The following VAT1L variants were observed in gnomAD, a reference collection of about 807,000 sequenced individuals.
VAT1L encodes the protein vesicle amine transport 1 like.
In VAT1L, 34 loss-of-function variants were observed where a neutral mutation model predicts 44.1. The ratio of observed to expected loss-of-function variants is 0.77; its 90% confidence interval spans 0.59 to 1.03. The LOEUF is 1.03. VAT1L is among the 50% of genes least tolerant of loss of function. VAT1L has a pLI of 0.00. For synonymous variants in VAT1L, 253 were observed against 202.2 expected (o/e 1.25, Z -2.13); for missense variants, 615 against 538.8 (o/e 1.14, Z -1.40).
chr16:77,973,434 A>G (rs1396531492), intron 8 of VAT1L, among the ~76,000 whole-genome samples: 1 of 151,848 alleles, frequency 6.6e-6, no homozygotes, highest in East Asian at 2.0e-4. Flanking sequence ...ACAGGGGCCC[A>G]CCACCACACC....
chr16:77,811,952 G>A (rs74029418), intron 1 of VAT1L, among the ~76,000 whole-genome samples: 182 of 152,258 alleles, frequency 1.2e-3, no homozygotes, highest in African/African-American at 4.2e-3. Context: ...ACAAACAGAC[G>A]ATGAGAGCTG....
chr16:77,936,923 C>T (rs556924326), intron 7 of VAT1L, among the ~76,000 whole-genome samples: 1 of 152,170 alleles, frequency 6.6e-6, no homozygotes, highest in East Asian at 1.9e-4. Context: ...TCTCGCTCTG[C>T]CACCAGGCTG....
rs1487352379 is a variant in VAT1L, at chr16:77,817,654, C to T, written c.363+604C>T. On this transcript the variant is annotated intron_variant, in intron 2 of 8. Coordinates refer to ENST00000302536, the MANE Select transcript of VAT1L (RefSeq NM_020927.3). ...GGGAAATGGGCAAAAAGGTTTATTACATTATGCTGACTACTTCTGTACATG... is the reference window on the plus strand; with the variant it reads ...GGGAAATGGGCAAAAAGGTTTATTATATTATGCTGACTACTTCTGTACATG... 2.0e-5 allele frequency among the ~76,000 whole-genome samples: 3 copies of T among 152,298 alleles called. No individual in the cohort carries two copies. The East Asian group carries it at 5.8e-4, about 29-fold the overall frequency.
chr16:77,938,493 AT>A (rs1484445938), intron 7 of VAT1L, among the ~76,000 whole-genome samples: 3 of 152,178 alleles, frequency 2.0e-5, no homozygotes, highest in African/African-American at 7.2e-5. Flanking sequence ...TGACTGGATC[AT>A]GGGGATTAGC....
At chr16:77,857,039 G>A (rs964988681) in intron 3 of VAT1L, among the ~76,000 whole-genome samples, 2 of 152,140 alleles carry the variant, frequency 1.3e-5, no homozygotes, top group Non-Finnish European at 2.9e-5. Flanking sequence ...CCCCATGGTG[G>A]GACAAAAGAA....
At chr16:77,965,417 C>A (rs2018212740) in intron 7 of VAT1L, among the ~76,000 whole-genome samples, 2 of 152,166 alleles carry the variant, frequency 1.3e-5, no homozygotes, top group South Asian at 4.1e-4. Context: ...AAATTGGCCT[C>A]CCAGACACCA....
intron 7 of VAT1L, among the ~76,000 whole-genome samples, chr16:77,967,144 A>T (rs962295130): frequency 2.6e-5 from 4 of 152,074 alleles, no homozygotes; most frequent in Admixed American, 2.0e-4. Context: ...AAGGTGTTAT[A>T]TGAGAGCAGT....
In VAT1L at chr16:77,884,935, C is replaced by A; in HGVS notation, c.1077+133C>A. On this transcript the variant is annotated intron_variant, in intron 7 of 8. Transcript: ENST00000302536. This position sits in a 1 kb window ranked among gnomAD's most constrained non-coding sequence, Gnocchi z 4.5. ...TGTTTTAAATGAGGGTCCTAAAAGTCACCTGTACCACAGAATAGTACTTTG... is the reference window on the plus strand; with the variant it reads ...TGTTTTAAATGAGGGTCCTAAAAGTAACCTGTACCACAGAATAGTACTTTG... 1.1e-6 allele frequency: 1 copy of A among 897,470 alleles called. No homozygotes were observed. The highest frequency in any genetic ancestry group is 1.6e-6 in the Non-Finnish European group (1 of 623,414). The allele number at this position is 897,470 out of a possible 1,614,324, so 55.6% of individuals were successfully genotyped here. A position where few individuals can be genotyped will look rare whatever the true frequency, so the allele number is the denominator to read the frequency against.
chr16:77,797,966 T>G (rs897254492), intron 1 of VAT1L, among the ~76,000 whole-genome samples: 3 of 152,142 alleles, frequency 2.0e-5, no homozygotes, highest in Admixed American at 6.6e-5. Flanking sequence ...GGAGACAAAA[T>G]AGATGTTCCA....
chr16:77,849,789 C>T (rs1165265748), intron 3 of VAT1L, among the ~76,000 whole-genome samples: 3 of 152,176 alleles, frequency 2.0e-5, no homozygotes, highest in South Asian at 2.1e-4. Flanking sequence ...CAGAAGCCTC[C>T]GATGTCACCT....
chr16:77,949,781 A>C (rs2018017894), intron 7 of VAT1L, among the ~76,000 whole-genome samples: 1 of 152,178 alleles, frequency 6.6e-6, no homozygotes, highest in African/African-American at 2.4e-5. Flanking sequence ...TTTTTCTTTA[A>C]AAATTACCCA....
At chr16:77,865,266 G>C (rs1475556622) in intron 4 of VAT1L, among the ~76,000 whole-genome samples, 3 of 152,096 alleles carry the variant, frequency 2.0e-5, no homozygotes, top group Non-Finnish European at 4.4e-5. Flanking sequence ...ACTGCGCCCG[G>C]TCAGTTCTTC....
At chr16:77,848,591 A>G (rs2016778757) in intron 3 of VAT1L, among the ~76,000 whole-genome samples, 1 of 152,146 alleles carries the variant, frequency 6.6e-6, no homozygotes, top group African/African-American at 2.4e-5. Flanking sequence ...TTCAGGAGAC[A>G]CGGTTACCAT....
intron 8 of VAT1L, 86 bp from the exon 9 acceptor site, chr16:77,977,511 A>G (rs1386097341): frequency 7.3e-6 from 10 of 1,363,078 alleles, no homozygotes; most frequent in Non-Finnish European, 1.0e-5. Flanking sequence ...GCCCCCAAGA[A>G]GTCCTCCCAT....
intron 3 of VAT1L, among the ~76,000 whole-genome samples, chr16:77,843,365 G>A (rs1409567952): frequency 1.3e-5 from 2 of 152,108 alleles, no homozygotes; most frequent in Admixed American, 6.5e-5. Context: ...AAAGAGGTGG[G>A]CACATTACTC....
chr16:77,935,511 A>C (rs892227689), intron 7 of VAT1L, among the ~76,000 whole-genome samples: 29 of 151,974 alleles, frequency 1.9e-4, no homozygotes, highest in South Asian at 6.2e-4. Context: ...AAAAAAAAAA[A>C]AAAAACTACC....
At chr16:77,944,710 C>T (rs1051355736) in intron 7 of VAT1L, among the ~76,000 whole-genome samples, 26 of 152,158 alleles carry the variant, frequency 1.7e-4, no homozygotes, top group African/African-American at 5.8e-4. Context: ...ATACTGCCTA[C>T]AGTAGTCAGA....
chr16:77,885,253 T>A (rs943209968), intron 7 of VAT1L, among the ~76,000 whole-genome samples: 11 of 152,330 alleles, frequency 7.2e-5, no homozygotes, highest in African/African-American at 2.6e-4. Context: ...GACTTTGGAA[T>A]TACTGCTGAA....
At chr16:77,862,652 A>T in intron 3 of VAT1L, 96 bp from the exon 4 acceptor site, 1 of 1,154,724 alleles carries the variant, frequency 8.7e-7, no homozygotes, top group South Asian at 1.8e-5. Flanking sequence ...AAAAAAGTCA[A>T]TAGTGCCGAT....
Sources: allele counts gnomAD v4.1 joint callset (sites outside exome capture counted in the v4.1 genomes callset), GRCh38; gene constraint gnomAD v4.1.1; non-coding constraint Gnocchi (gnomAD v3.1); transcripts MANE v1.5; gene names NCBI Gene and HGNC (gene_info 2026-07-23, HGNC 2026-07-21).